The following MARCHF11 variants were observed in gnomAD, a reference collection of about 807,000 sequenced individuals.
The protein encoded by MARCHF11 is membrane associated ring-CH-type finger 11, also known as E3 ubiquitin-protein ligase MARCHF11.
In MARCHF11, 29 loss-of-function variants were observed where a neutral mutation model predicts 37.3. That is an observed-to-expected ratio of 0.78 (90% CI 0.58 to 1.06). MARCHF11 has a LOEUF of 1.06. MARCHF11 is among the 50% of genes least tolerant of loss of function. The pLI is 0.00. For synonymous variants in MARCHF11, 233 were observed against 228.0 expected (o/e 1.02, Z -0.20); for missense variants, 482 against 533.4 (o/e 0.90, Z 0.95).
intron 2 of MARCHF11, among the ~76,000 whole-genome samples, chr5:16,171,643 T>G (rs1267569137): frequency 6.6e-6 from 1 of 152,222 alleles, no homozygotes; most frequent in African/African-American, 2.4e-5. Flanking sequence ...TGTGGTAGCT[T>G]TCATGCTAGG....
At chr5:16,129,691 C>A (rs1332388303) in intron 2 of MARCHF11, among the ~76,000 whole-genome samples, 1 of 152,112 alleles carries the variant, frequency 6.6e-6, no homozygotes, top group East Asian at 1.9e-4. Context: ...TAAAAATTAA[C>A]TGTAGGATGG....
At position 16,174,997 on chromosome 5, in the gene MARCHF11, T is replaced by A. The variant is rs116407854; in HGVS notation, c.693+2729A>T. 7.4e-3 allele frequency among the ~76,000 whole-genome samples: 1,120 copies of A among 152,332 alleles called. 19 individuals carry two copies. Among genetic ancestry groups the A allele is most frequent in the African/African-American group, 0.026 (1,070 of 41,570 alleles). ...AAGAGATTTGTAATTTTCACTTTCA[T>A]GGTCTTGGAACCCAGCTATCACAGT... On this transcript the variant is annotated intron_variant, in intron 2 of 3. Coordinates refer to ENST00000332432, the MANE Select transcript of MARCHF11 (RefSeq NM_001102562.3).
intron 2 of MARCHF11, among the ~76,000 whole-genome samples, chr5:16,125,873 T>C (rs1277491432): frequency 2.0e-5 from 3 of 152,154 alleles, no homozygotes; most frequent in Non-Finnish European, 4.4e-5. Flanking sequence ...TAAGCTGCAC[T>C]TGTACTTTTA....
At chr5:16,176,096 A>ATTT (rs5866175) in intron 2 of MARCHF11, among the ~76,000 whole-genome samples, 14 of 146,928 alleles carry the variant, frequency 9.5e-5, no homozygotes, top group African/African-American at 3.0e-4. Flanking sequence ...AGTAAATAGT[A>ATTT]TTTTTTTTTT....
At chr5:16,134,414 C>A (rs1041337831) in intron 2 of MARCHF11, among the ~76,000 whole-genome samples, 7 of 152,098 alleles carry the variant, frequency 4.6e-5, no homozygotes, top group Non-Finnish European at 1.0e-4. Flanking sequence ...TGCTGCCATG[C>A]GATGACACAG....
chr5:16,116,336 G>A (rs1737225566), intron 2 of MARCHF11, among the ~76,000 whole-genome samples: 1 of 152,144 alleles, frequency 6.6e-6, no homozygotes, highest in Non-Finnish European at 1.5e-5. Context: ...CCAGGAAATA[G>A]ACAGCATCCA....
At chr5:16,158,451 T>C (rs990267209) in intron 2 of MARCHF11, among the ~76,000 whole-genome samples, 3 of 151,908 alleles carry the variant, frequency 2.0e-5, no homozygotes, top group Admixed American at 6.6e-5. Flanking sequence ...ACAACATGTA[T>C]GAACCTGAGG....
intron 3 of MARCHF11, among the ~76,000 whole-genome samples, chr5:16,069,372 CAA>C: frequency 6.6e-6 from 1 of 151,962 alleles, no homozygotes; most frequent in Non-Finnish European, 1.5e-5. Context: ...AGGAAAGAAA[CAA>C]AATTGGGAAG....
intron 2 of MARCHF11, among the ~76,000 whole-genome samples, chr5:16,096,333 A>C (rs752781129): frequency 2.0e-5 from 3 of 152,252 alleles, no homozygotes; most frequent in Non-Finnish European, 4.4e-5. Context: ...TAACACGAAG[A>C]CGACAAACTC....
rs1446960979 is a variant in MARCHF11, at chr5:16,179,092, G to A, written c.484C>T (p.Gln162Ter). The A allele has an allele frequency of 2.0e-6, 3 of 1,495,976 alleles. No individual in the cohort carries two copies. Among genetic ancestry groups the A allele is most frequent in the Non-Finnish European group, 2.7e-6 (3 of 1,129,350 alleles). The allele number at this position is 1,495,976 out of a possible 1,614,324, so 92.7% of individuals were successfully genotyped here. A position where few individuals can be genotyped will look rare whatever the true frequency, so the allele number is the denominator to read the frequency against. Residue 162 changes from glutamine (Q) to a stop codon, truncating the protein, a stop_gained, in exon 1 of 4, where the codon CAG (glutamine) becomes TAG (stop). Transcript: ENST00000332432. LOFTEE classifies it high-confidence loss of function. ...SGGGDQRAGH[Q>*]HQHHQPICKI... Reference sequence around the variant, plus strand: ...CAGATGGGCTGGTGGTGCTGGTGCTGGTGCCCAGCGCGCTGGTCGCCGCCG... The same window carrying A: ...CAGATGGGCTGGTGGTGCTGGTGCTAGTGCCCAGCGCGCTGGTCGCCGCCG...
At chr5:16,138,296 C>A (rs556467234) in intron 2 of MARCHF11, among the ~76,000 whole-genome samples, 24 of 152,276 alleles carry the variant, frequency 1.6e-4, no homozygotes, top group South Asian at 1.5e-3. Flanking sequence ...AAGGGGCCAA[C>A]AAACAGCTCA....
chr5:16,179,179 G>T lies in MARCHF11; in HGVS notation c.397C>A (p.Arg133=). ...GTCTCGGGCTGGTCTCCGGCGCCCC[G>T]CCGCTCGCGCTCGCCGCCCGCGCCG... ...EAGAGGERER[R]GAGDQPETRS... The change falls in exon 1 of 4, where the codon CGG becomes AGG. Residue 133 remains arginine (R), a synonymous_variant. Coordinates refer to ENST00000332432, the MANE Select transcript of MARCHF11 (RefSeq NM_001102562.3). The T allele has an allele frequency of 7.3e-7, 1 of 1,361,034 alleles. No individual in the cohort carries two copies. 84.3% of individuals were successfully genotyped at this position (1,361,034 alleles called of 1,614,324 possible). A position where few individuals can be genotyped will look rare whatever the true frequency, so the allele number is the denominator to read the frequency against.
chr5:16,078,333 G>A (rs189806533), intron 3 of MARCHF11, among the ~76,000 whole-genome samples: 333 of 152,182 alleles, frequency 2.2e-3, no homozygotes, highest in African/African-American at 7.6e-3. Flanking sequence ...GGAAAATCGA[G>A]GTAAAATGCT....
chr5:16,106,544 T>C (rs1292278549), intron 2 of MARCHF11, among the ~76,000 whole-genome samples: 2 of 152,204 alleles, frequency 1.3e-5, no homozygotes, highest in Non-Finnish European at 2.9e-5. Flanking sequence ...TTTCTTTCTT[T>C]ACATGAGTGA....
At chr5:16,089,278 G>T (rs943148053) in intron 3 of MARCHF11, among the ~76,000 whole-genome samples, 1 of 152,008 alleles carries the variant, frequency 6.6e-6, no homozygotes, top group Admixed American at 6.6e-5. Context: ...TATCATTCAT[G>T]CTGAAAGACA....
intron 2 of MARCHF11, among the ~76,000 whole-genome samples, chr5:16,169,665 T>C (rs911709329): frequency 6.6e-6 from 1 of 152,176 alleles, no homozygotes; most frequent in Non-Finnish European, 1.5e-5. Context: ...GAACAGCTTT[T>C]GAATTATGAG....
At chr5:16,128,101 C>T (rs750442214) in intron 2 of MARCHF11, among the ~76,000 whole-genome samples, 138 of 152,176 alleles carry the variant, frequency 9.1e-4, no homozygotes, top group Non-Finnish European at 6.6e-4. Flanking sequence ...ACTCATACCA[C>T]CCACGAAACC....
chr5:16,125,791 T>C (rs1323994359), intron 2 of MARCHF11, among the ~76,000 whole-genome samples: 1 of 152,060 alleles, frequency 6.6e-6, no homozygotes, highest in Non-Finnish European at 1.5e-5. Flanking sequence ...AAAAGCTACA[T>C]AAGAAAGGCA....
In MARCHF11 at chr5:16,141,758, C is replaced by CCAAAAA. The variant is rs1394084533; in HGVS notation, c.693+35962_693+35967dup. Among the ~76,000 whole-genome samples, 44 of 152,160 alleles carry CCAAAAA rather than the reference C, an allele frequency of 2.9e-4. No homozygotes were observed. In the Middle Eastern group the frequency reaches 0.01, roughly 35 times the overall value. On this transcript the variant is annotated intron_variant, in intron 2 of 3. Coordinates refer to ENST00000332432, the MANE Select transcript of MARCHF11 (RefSeq NM_001102562.3). ...GAAAATGTGAATTGAAACTCAAGAG[C>CCAAAAA]CAAAAACAAAAACAAAAACAAAAAA...
Sources: gnomAD v4.1 joint callset for allele counts (sites outside exome capture counted in the v4.1 genomes callset) on GRCh38, gnomAD v4.1.1 for gene constraint, MANE v1.5 for transcripts, NCBI Gene and HGNC (gene_info 2026-07-23, HGNC 2026-07-21) for gene names.